Variants in COMMD10 observed in about 807,000 individuals in gnomAD.
COMMD10 encodes COMM domain containing 10.
Under a neutral mutation model 28.9 loss-of-function variants are expected in COMMD10, and 33 were observed. The observed-to-expected ratio is 1.14, with a 90% CI of 0.87 to 1.53. The LOEUF (loss-of-function observed/expected upper bound fraction) is 1.53, where lower values mean the gene tolerates loss of function less well. COMMD10 is among the 40% of genes most tolerant of loss of function. The pLI is 0.00. For missense variants in COMMD10, 310 were observed against 233.4 expected (o/e 1.33, Z -2.14); for synonymous variants, 110 against 81.7 (o/e 1.35, Z -1.87).
intron 4 of COMMD10, among the ~76,000 whole-genome samples, chr5:116,121,431 G>T (rs548615407): frequency 1.3e-5 from 2 of 152,046 alleles, no homozygotes; most frequent in Admixed American, 6.6e-5. Context: ...GAATAGTGCC[G>T]CAGTAAACAT....
intron 5 of COMMD10, among the ~76,000 whole-genome samples, chr5:116,281,441 T>A (rs943316141): frequency 2.0e-5 from 3 of 151,744 alleles, no homozygotes; most frequent in African/African-American, 7.3e-5. Context: ...TTTAAGAAAT[T>A]GACAGAATAT....
chr5:116,223,830 T>C (rs1209187005), intron 5 of COMMD10, among the ~76,000 whole-genome samples: 1 of 152,198 alleles, frequency 6.6e-6, no homozygotes, highest in East Asian at 1.9e-4. Flanking sequence ...CACTTGAAAT[T>C]ACCTGATTAA....
intron 4 of COMMD10, among the ~76,000 whole-genome samples, chr5:116,109,377 G>A (rs1488967147): frequency 6.6e-6 from 1 of 152,134 alleles, no homozygotes; most frequent in African/African-American, 2.4e-5. Context: ...ACTCCTGGGT[G>A]ATCCCCAAGA....
At chr5:116,183,296 C>G (rs1748033938) in intron 5 of COMMD10, among the ~76,000 whole-genome samples, 1 of 151,990 alleles carries the variant, frequency 6.6e-6, no homozygotes, top group African/African-American at 2.4e-5. Flanking sequence ...AAAAATGTTT[C>G]TAGAAGACCT....
At chr5:116,209,805 T>C (rs1221427052) in intron 5 of COMMD10, among the ~76,000 whole-genome samples, 2 of 152,188 alleles carry the variant, frequency 1.3e-5, no homozygotes, top group East Asian at 3.8e-4. Context: ...GCAGTCTTCT[T>C]TAAGATATTG....
At chr5:116,145,723 TC>T (rs1752327384) in intron 5 of COMMD10, among the ~76,000 whole-genome samples, 1 of 151,724 alleles carries the variant, frequency 6.6e-6, no homozygotes, top group Non-Finnish European at 1.5e-5. Flanking sequence ...TGAGGGTGGT[TC>T]CCCCATGCTG....
intron 5 of COMMD10, among the ~76,000 whole-genome samples, chr5:116,245,794 G>A (rs372948472): frequency 8.0e-5 from 12 of 150,078 alleles, no homozygotes; most frequent in East Asian, 2.0e-4. Context: ...TCATACCTTC[G>A]TGTTTAAAAC....
chr5:116,176,230 G>T (rs766804931), intron 5 of COMMD10, among the ~76,000 whole-genome samples: 4 of 152,140 alleles, frequency 2.6e-5, no homozygotes, highest in Non-Finnish European at 4.4e-5. Flanking sequence ...TCATGCCTCA[G>T]CCTCCTGAGT....
chr5:116,147,800 T>C (rs1045971840), intron 5 of COMMD10, among the ~76,000 whole-genome samples: 3 of 151,858 alleles, frequency 2.0e-5, no homozygotes, highest in Non-Finnish European at 4.4e-5. Flanking sequence ...AATAAAAAAA[T>C]GTAAGAAAAT....
At chr5:116,234,935 A>T (rs1749623025) in intron 5 of COMMD10, among the ~76,000 whole-genome samples, 1 of 152,170 alleles carries the variant, frequency 6.6e-6, no homozygotes, top group Admixed American at 6.5e-5. Context: ...GTTGGATAAG[A>T]GCAGTCTCTT....
chr5:116,086,194 A>G (rs1212820483), intron 1 of COMMD10, among the ~76,000 whole-genome samples: 1 of 152,180 alleles, frequency 6.6e-6, no homozygotes, highest in Non-Finnish European at 1.5e-5. Flanking sequence ...TGGAGAGGAC[A>G]TTTCTTGTCA....
chr5:116,256,106 C>T (rs941452213), intron 5 of COMMD10, among the ~76,000 whole-genome samples: 6 of 151,558 alleles, frequency 4.0e-5, no homozygotes, highest in Admixed American at 1.3e-4. Flanking sequence ...AAATATCCCA[C>T]GGGTGATAAG....
chr5:116,218,125 C>G, intron 5 of COMMD10: 1 of 1,279,350 alleles, frequency 7.8e-7, no homozygotes, highest in Non-Finnish European at 1.1e-6. Context: ...CAGCTTTTCC[C>G]TTTCTCCCTT....
chr5:116,147,438 T>C (rs527285124), intron 5 of COMMD10, among the ~76,000 whole-genome samples: 1 of 152,034 alleles, frequency 6.6e-6, no homozygotes, highest in Non-Finnish European at 1.5e-5. Context: ...TTCGTAAATG[T>C]TTGATTCCTA....
intron 5 of COMMD10, among the ~76,000 whole-genome samples, chr5:116,211,715 C>CA (rs1302812920): frequency 6.6e-6 from 1 of 151,962 alleles, no homozygotes; most frequent in Non-Finnish European, 1.5e-5. Flanking sequence ...AAGTAGATTC[C>CA]AAAAAGCAAA....
chr5:116,091,907 A>G (rs1275642169), intron 3 of COMMD10, among the ~76,000 whole-genome samples: 2 of 152,236 alleles, frequency 1.3e-5, no homozygotes, highest in Non-Finnish European at 1.5e-5. Context: ...TTTAATGAAC[A>G]TATTAGGAGG....
chr5:116,128,063 G>C (rs10072430), intron 4 of COMMD10, among the ~76,000 whole-genome samples: 124,733 of 152,028 alleles, frequency 0.82, 51,327 homozygotes, highest in African/African-American at 0.84. Flanking sequence ...GGACATAGTC[G>C]AAAAAACTTT....
rs552628727 is a variant in COMMD10, at chr5:116,145,699, A to G, written c.510+11521A>G. 2.0e-5 allele frequency among the ~76,000 whole-genome samples: 3 copies of G among 151,972 alleles called. No individual in the cohort carries two copies. The East Asian group carries it at 5.8e-4, about 30-fold the overall frequency. On this transcript the variant is annotated intron_variant, in intron 5 of 6. Coordinates refer to ENST00000274458, the MANE Select transcript of COMMD10 (RefSeq NM_016144.4). ...ACGTGTCAAGGGAGAGACCAGGTGG[A>G]GGTAGTTGAATCATGAGGGTGGTTC...
At chr5:116,291,648 C>A in intron 6 of COMMD10, 72 bp downstream of exon 6, 1 of 862,618 alleles carries the variant, frequency 1.2e-6, no homozygotes, top group South Asian at 1.8e-5. Flanking sequence ...TTTATGAATT[C>A]TTATTTTTAA....
Sources: allele counts gnomAD v4.1 joint callset (sites outside exome capture counted in the v4.1 genomes callset), GRCh38; gene constraint gnomAD v4.1.1; transcripts MANE v1.5; gene names NCBI Gene and HGNC (gene_info 2026-07-23, HGNC 2026-07-21).